Variants in NDUFAF2 observed in about 807,000 individuals in gnomAD.
NDUFAF2 encodes the protein NADH:ubiquinone oxidoreductase complex assembly factor 2, also known as NADH dehydrogenase [ubiquinone] 1 alpha subcomplex assembly factor 2.
In NDUFAF2, 13 loss-of-function variants were observed where a neutral mutation model predicts 22.8. The ratio of observed to expected loss-of-function variants is 0.57; its 90% CI spans 0.37 to 0.91. The LOEUF (loss-of-function observed/expected upper bound fraction) is 0.91, where lower values mean the gene tolerates loss of function less well. Among genes scored for constraint, NDUFAF2 ranks in the 40% least tolerant of loss-of-function variants. The pLI is 0.01. For synonymous variants in NDUFAF2, 53 were observed against 64.2 expected (o/e 0.83, Z 0.84); for missense variants, 162 against 195.2 (o/e 0.83, Z 1.01).
At chr5:61,037,145 A>G (rs751924041) in intron 1 of NDUFAF2, among the ~76,000 whole-genome samples, 23 of 152,180 alleles carry the variant, frequency 1.5e-4, no homozygotes, top group Non-Finnish European at 3.1e-4. Flanking sequence ...AAATTTAAAG[A>G]TAAGTCTCTG....
chr5:61,148,963 A>G (rs149136187), intron 3 of NDUFAF2, among the ~76,000 whole-genome samples: 6 of 152,164 alleles, frequency 3.9e-5, no homozygotes, highest in African/African-American at 1.4e-4. Context: ...TCCATTTGGT[A>G]TTGTTGGTTT....
intron 3 of NDUFAF2, among the ~76,000 whole-genome samples, chr5:61,129,886 C>T (rs1475681218): frequency 1.3e-5 from 2 of 151,946 alleles, no homozygotes; most frequent in Non-Finnish European, 2.9e-5. Flanking sequence ...TTTGTTCAAC[C>T]TAGGCATGTT....
intron 3 of NDUFAF2, among the ~76,000 whole-genome samples, chr5:61,135,334 CT>C (rs2111818648): frequency 6.6e-6 from 1 of 152,114 alleles, no homozygotes; most frequent in South Asian, 2.1e-4. Flanking sequence ...TCTAGGACAT[CT>C]TTTTACACCA....
chr5:61,109,925 A>C (rs754057398), intron 3 of NDUFAF2, among the ~76,000 whole-genome samples: 4 of 152,150 alleles, frequency 2.6e-5, no homozygotes, highest in Non-Finnish European at 5.9e-5. Context: ...AAATGGACTA[A>C]TACAAGTATG....
intron 1 of NDUFAF2, among the ~76,000 whole-genome samples, chr5:61,030,989 C>T (rs1751715837): frequency 6.6e-6 from 1 of 152,034 alleles, no homozygotes; most frequent in South Asian, 2.1e-4. Context: ...ACTTTTTTCT[C>T]TGGTCATATC....
At chr5:61,125,550 G>A (rs1250195421) in intron 3 of NDUFAF2, among the ~76,000 whole-genome samples, 1 of 151,802 alleles carries the variant, frequency 6.6e-6, no homozygotes, top group Non-Finnish European at 1.5e-5. Context: ...TCGAATTCAA[G>A]GTCCACATCA....
chr5:61,044,963 G>T (rs965132214), intron 1 of NDUFAF2, among the ~76,000 whole-genome samples: 3 of 150,626 alleles, frequency 2.0e-5, no homozygotes, highest in Non-Finnish European at 3.0e-5. Context: ...GTGAACATGG[G>T]ATATCTTCCC....
rs757234474 is a variant in NDUFAF2 at position 61,073,186 on chromosome 5, A to G, written c.189A>G (p.Glu63=). The G allele has an allele frequency of 6.2e-7, 1 of 1,613,188 alleles. No individual in the cohort carries two copies. Among genetic ancestry groups the G allele is most frequent in the Non-Finnish European group, 8.5e-7 (1 of 1,179,300 alleles). The change falls in exon 2 of 4, where the codon GAA becomes GAG. Residue 63 remains glutamate (E), a synonymous_variant. Transcript: ENST00000296597. The part of the protein sequence containing the change: ...EAANKKEVDY[E]AGDIPTEWEA... ...CAAATAAAAAAGAAGTAGACTATGA[A>G]GCAGGGGATATTCCAACAGAATGGG... is the stretch of plus-strand genomic sequence containing the variant.
chr5:60,988,375 G>A (rs1427647949), intron 1 of NDUFAF2, among the ~76,000 whole-genome samples: 3 of 152,078 alleles, frequency 2.0e-5, no homozygotes, highest in Non-Finnish European at 4.4e-5. Flanking sequence ...TTGCGATTCA[G>A]TGTGATTCTA....
chr5:61,018,809 A>G (rs1192658774), intron 1 of NDUFAF2, among the ~76,000 whole-genome samples: 1 of 152,126 alleles, frequency 6.6e-6, no homozygotes. Flanking sequence ...ACTAGAGATT[A>G]TGATTCCATA....
intron 1 of NDUFAF2, among the ~76,000 whole-genome samples, chr5:61,024,573 G>T (rs887097029): frequency 6.6e-6 from 1 of 151,918 alleles, no homozygotes; most frequent in Non-Finnish European, 1.5e-5. Flanking sequence ...CTGTTTTACT[G>T]TTGAGATAAT....
intron 3 of NDUFAF2, among the ~76,000 whole-genome samples, chr5:61,099,609 A>G (rs1385479872): frequency 2.6e-5 from 4 of 151,602 alleles, no homozygotes; most frequent in Admixed American, 6.6e-5. Flanking sequence ...ATGCTATGGT[A>G]TATATGTTTT....
chr5:61,072,376 A>G (rs1752310763), intron 1 of NDUFAF2, among the ~76,000 whole-genome samples: 1 of 152,170 alleles, frequency 6.6e-6, no homozygotes, highest in African/African-American at 2.4e-5. Flanking sequence ...GGGTGGCTGC[A>G]GGGTCTTGTG....
chr5:61,003,448 TG>T (rs1169628281), intron 1 of NDUFAF2, among the ~76,000 whole-genome samples: 2 of 152,046 alleles, frequency 1.3e-5, no homozygotes, highest in Non-Finnish European at 1.5e-5. Flanking sequence ...AAAATTTTTC[TG>T]GTACGCTGAA....
At chr5:61,025,244 G>T (rs2112606307) in intron 1 of NDUFAF2, among the ~76,000 whole-genome samples, 1 of 152,050 alleles carries the variant, frequency 6.6e-6, no homozygotes, top group South Asian at 2.1e-4. Flanking sequence ...GCACATAGGA[G>T]ATGTTCAATA....
rs144657027 is a variant in NDUFAF2, at chr5:61,111,199, T to C, written c.258+12167T>C. ...GATACTCGAGATAATTTCAACTGTTTTGAAATTTTTAAGAGCTGTTTTGTG... is the reference window on the plus strand; with the variant it reads ...GATACTCGAGATAATTTCAACTGTTCTGAAATTTTTAAGAGCTGTTTTGTG... On this transcript the variant is annotated intron_variant, in intron 3 of 3. Transcript: ENST00000296597. 4.5e-3 allele frequency among the ~76,000 whole-genome samples: 678 copies of C among 152,346 alleles called. 26 individuals carry two copies. Among genetic ancestry groups the C allele is most frequent in the Admixed American group, 0.041 (631 of 15,304 alleles).
At chr5:61,136,005 T>TCA (rs1411594766) in intron 3 of NDUFAF2, among the ~76,000 whole-genome samples, 3 of 96,052 alleles carry the variant, frequency 3.1e-5, no homozygotes, top group African/African-American at 1.6e-4. Flanking sequence ...AAGCCTGTCT[T>TCA]TATATATATA....
rs527857585 is a variant in NDUFAF2, at chr5:61,052,459, C to T, written c.128-20666C>T. ...CCGAGTAGCTGGAACTACAGGCGCC[C>T]GCCACCATGCCCGGCTAATTTTTTG... is the stretch of plus-strand genomic sequence containing the variant. On this transcript the variant is annotated intron_variant, in intron 1 of 3. Coordinates refer to ENST00000296597, the MANE Select transcript of NDUFAF2 (RefSeq NM_174889.5). Among the ~76,000 whole-genome samples the T allele has an allele frequency of 2.4e-3, 369 of 152,216 alleles. 2 individuals carry two copies. The highest frequency in any genetic ancestry group is 8.5e-3 in the African/African-American group (353 of 41,522).
intron 1 of NDUFAF2, among the ~76,000 whole-genome samples, chr5:60,983,427 G>C (rs1382194982): frequency 8.1e-6 from 1 of 123,824 alleles, no homozygotes; most frequent in African/African-American, 3.0e-5. Flanking sequence ...TGTCAATTTT[G>C]GCTTTTGTTG....
Sources: gnomAD v4.1 joint callset for allele counts (sites outside exome capture counted in the v4.1 genomes callset) on GRCh38, gnomAD v4.1.1 for gene constraint, MANE v1.5 for transcripts, NCBI Gene and HGNC (gene_info 2026-07-23, HGNC 2026-07-21) for gene names.